Variants in IPP observed in about 807,000 individuals in gnomAD.
IPP encodes the protein intracisternal A particle-promoted polypeptide, also known as actin-binding protein IPP.
IPP carries 41 observed loss-of-function variants against 64.1 expected under a neutral mutation model. The ratio of observed to expected loss-of-function variants is 0.64; its 90% CI spans 0.50 to 0.83. IPP has a LOEUF of 0.83. Ranked by LOEUF, IPP falls within the 40% of genes least tolerant of loss-of-function variation. IPP has a pLI of 0.00. For missense variants in IPP, 649 were observed against 703.0 expected, an observed-to-expected ratio of 0.92 and a Z score of 0.87; for synonymous variants, 214 against 235.2, an observed-to-expected ratio of 0.91 and a Z score of 0.83.
chr1:45,741,357 GC>G, intron 2 of IPP, 25 bp from the exon 3 acceptor site: 1 of 1,481,430 alleles, frequency 6.8e-7, no homozygotes, highest in Non-Finnish European at 9.2e-7. Flanking sequence ...AGACAAAATG[GC>G]CAATAAAATA....
At chr1:45,698,061 A>C (rs3014247), downstream of IPP, 1 of 151,814 alleles carries the variant, frequency 6.6e-6, no homozygotes, top group Non-Finnish European at 1.5e-5. Context: ...CCAGCACTTC[A>C]GGAGGCCAAG....
rs762738883 is a variant in IPP at position 45,700,205 on chromosome 1, A to G, written c.1531-15T>C. ...ACCCACTTTTCCTGGTTAAGAGAGA[A>G]AAAAAAAATATGTTAGCAGTGTTAT... is the stretch of plus-strand genomic sequence containing the variant. On this transcript the variant is annotated splice_polypyrimidine_tract_variant and intron_variant, in intron 8 of 8. Transcript: ENST00000396478. 6.3e-7 allele frequency: 1 copy of G among 1,591,980 alleles called. No homozygotes were observed. Among genetic ancestry groups the G allele is most frequent in the Non-Finnish European group, 8.5e-7 (1 of 1,171,284 alleles).
intron 5 of IPP, among the ~76,000 whole-genome samples, chr1:45,724,428 G>A (rs1175230573): frequency 1.3e-5 from 2 of 151,914 alleles, no homozygotes; most frequent in Non-Finnish European, 2.9e-5. Context: ...GAGCGTCTCT[G>A]CCTGGCCGCC....
chr1:45,709,573 G>A (rs1489637531), intron 8 of IPP, among the ~76,000 whole-genome samples: 2 of 151,700 alleles, frequency 1.3e-5, no homozygotes, highest in South Asian at 2.1e-4. Context: ...AACTGGGCAC[G>A]GTGGTTCACG....
intron 3 of IPP, among the ~76,000 whole-genome samples, chr1:45,735,235 C>T (rs760891991): frequency 6.6e-6 from 1 of 151,448 alleles, no homozygotes; most frequent in African/African-American, 2.4e-5. Context: ...AGGCACATGC[C>T]ACCACGCCCA....
At chr1:45,730,292 C>T (rs1016971225) in intron 3 of IPP, among the ~76,000 whole-genome samples, 2 of 151,470 alleles carry the variant, frequency 1.3e-5, no homozygotes, top group African/African-American at 2.4e-5. Flanking sequence ...GCAGAGTTTG[C>T]AGTGAAGCAG....
intron 5 of IPP, among the ~76,000 whole-genome samples, chr1:45,727,035 C>A (rs1232295776): frequency 1.3e-5 from 2 of 151,768 alleles, no homozygotes; most frequent in African/African-American, 4.8e-5. Flanking sequence ...AGGCAGGTGC[C>A]ATATTCTATA....
At chr1:45,726,724 CTT>C (rs58547972) in intron 5 of IPP, among the ~76,000 whole-genome samples, 9 of 135,296 alleles carry the variant, frequency 6.7e-5, no homozygotes, top group Non-Finnish European at 1.1e-4. Context: ...TTTGATGCCA[CTT>C]TTTTTTTTTT....
intron 8 of IPP, among the ~76,000 whole-genome samples, chr1:45,712,719 C>A (rs775099728): frequency 1.8e-4 from 27 of 151,548 alleles, no homozygotes; most frequent in African/African-American, 4.8e-4. Context: ...ATTAGCCAGG[C>A]GTAGTGGCGG....
intron 3 of IPP, among the ~76,000 whole-genome samples, chr1:45,731,343 A>G (rs574694284): frequency 6.6e-6 from 1 of 152,272 alleles, no homozygotes; most frequent in Admixed American, 6.5e-5. Context: ...CTGGAGGCTG[A>G]GGAGGGAGGA....
At position 45,746,106 on chromosome 1, in the gene IPP, C is replaced by T. The variant is rs201909349; in HGVS notation, c.292+14G>A. 5.6e-6 allele frequency: 9 copies of T among 1,597,904 alleles called. No individual in the cohort carries two copies. In the Admixed American group the frequency reaches 1.5e-4, roughly 27 times the overall value. On this transcript the variant is annotated intron_variant, in intron 2 of 8. Transcript: ENST00000396478. ...ATCATTCTTCAGTCAAAGCAACAGA[C>T]TCATGTAACATACCTGTGTAAATGA...
rs183330445 is a variant in IPP at position 45,731,829 on chromosome 1, A to C, written c.725-2060T>G. Among the ~76,000 whole-genome samples the C allele has an allele frequency of 1.3e-3, 197 of 151,836 alleles. 1 individual carries two copies. The highest frequency in any genetic ancestry group is 0.01 in the Admixed American group (156 of 15,206). The stretch of plus-strand genomic sequence containing the variant: ...CACATGCCTGTAATCTCAGCTACTC[A>C]GGAGGCTGAGGCAGCAGAATTGCTT... On this transcript the variant is annotated intron_variant, in intron 3 of 8. Coordinates refer to ENST00000396478, the MANE Select transcript of IPP (RefSeq NM_005897.3).
intron 3 of IPP, among the ~76,000 whole-genome samples, chr1:45,736,695 G>T (rs1645985580): frequency 6.6e-6 from 1 of 151,984 alleles, no homozygotes; most frequent in African/African-American, 2.4e-5. Flanking sequence ...TTCGGGACTT[G>T]AATTAGACAC....
chr1:45,741,365 A>G (rs1423521729), intron 2 of IPP, 33 bp from the exon 3 acceptor site: 1 of 1,407,290 alleles, frequency 7.1e-7, no homozygotes, highest in Admixed American at 2.1e-5. Flanking sequence ...TGGCCAATAA[A>G]ATAAAAACAA....
Position 45,701,579 on chromosome 1 carries a change from A to T in IPP, c.1531-1389T>A, listed in dbSNP as rs555603385. ...TGGGATTACAGGCGTGAGCCACCGC[A>T]CCCAGCGACTAGTAGTGTCTTACTT... is the stretch of plus-strand genomic sequence containing the variant. On this transcript the variant is annotated intron_variant, in intron 8 of 8. Coordinates refer to ENST00000396478, the MANE Select transcript of IPP (RefSeq NM_005897.3). Among the ~76,000 whole-genome samples, 10 of 152,244 alleles carry T rather than the reference A, an allele frequency of 6.6e-5. No individual in the cohort carries two copies. The South Asian group carries it at 1.7e-3, about 25-fold the overall frequency.
Position 45,699,918 on chromosome 1 carries a change from G to T in IPP, c.*48C>A. ...TCTATGTTTGCTTTGCAAAAGGTCA[G>T]GTCCTGCATTTTCAAAATGTTCCTT... On this transcript the variant is annotated 3_prime_UTR_variant, in exon 9 of 9. Coordinates refer to ENST00000396478, the MANE Select transcript of IPP (RefSeq NM_005897.3). The T allele has an allele frequency of 6.3e-7, 1 of 1,597,790 alleles. No homozygotes were observed. The highest frequency in any genetic ancestry group is 8.5e-7 in the Non-Finnish European group (1 of 1,170,128).
chr1:45,743,357 C>T (rs1646092455), intron 2 of IPP, among the ~76,000 whole-genome samples: 1 of 151,494 alleles, frequency 6.6e-6, no homozygotes, highest in Non-Finnish European at 1.5e-5. Flanking sequence ...CCTGGCTCAG[C>T]CTCCTGAGTA....
At position 45,727,710 on chromosome 1, in the gene IPP, C is replaced by G. The variant is rs779636107; in HGVS notation, c.969G>C (p.Trp323Cys). The G allele has an allele frequency of 6.2e-7, 1 of 1,602,318 alleles. No homozygotes were observed. Among genetic ancestry groups the G allele is most frequent in the Non-Finnish European group, 8.5e-7 (1 of 1,171,462 alleles). The change falls in exon 5 of 9, where the codon TGG becomes TGC. Residue 323 changes from tryptophan to cysteine, a missense_variant. Trp to Cys is a radical substitution (Grantham distance 215, BLOSUM62 -2). Coordinates refer to ENST00000396478, the MANE Select transcript of IPP (RefSeq NM_005897.3). ...VERFDTFSQY[W>C]TTVSSLHQAR... The stretch of plus-strand genomic sequence containing the variant: ...CCTGATGAAGTGAAGACACAGTGGT[C>G]CAGTACTGGCTAAAGGTGTCAAAAC...
chr1:45,706,086 G>A (rs538000534), intron 8 of IPP, among the ~76,000 whole-genome samples: 2 of 152,200 alleles, frequency 1.3e-5, no homozygotes, highest in East Asian at 1.9e-4. Flanking sequence ...AGATTCCGTG[G>A]GTACAGGCAA....
Sources: gnomAD v4.1 joint callset for allele counts (sites outside exome capture counted in the v4.1 genomes callset) on GRCh38, gnomAD v4.1.1 for gene constraint, MANE v1.5 for transcripts, NCBI Gene and HGNC (gene_info 2026-07-23, HGNC 2026-07-21) for gene names.